ANKRD17: variants seen among roughly 807,000 people sequenced by gnomAD.
The protein encoded by ANKRD17 is ankyrin repeat domain 17.
In ANKRD17, 19 loss-of-function variants were observed where a neutral mutation model predicts 229.7. The ratio of observed to expected loss-of-function variants is 0.08; its 90% CI spans 0.06 to 0.12. The LOEUF (loss-of-function observed/expected upper bound fraction) is 0.12. Ranked by LOEUF, ANKRD17 falls within the 10% of genes least tolerant of loss-of-function variation. The pLI is 1.00. For synonymous variants in ANKRD17, 1,112 were observed against 1,146.1 expected (o/e 0.97, Z 0.60); for missense variants, 2,176 against 3,176.8 (o/e 0.68, Z 7.57).
Position 73,200,012 on chromosome 4 carries a change from C to T in ANKRD17, c.394-22479G>A, listed in dbSNP as rs907351556. 5.3e-5 allele frequency among the ~76,000 whole-genome samples: 8 copies of T among 152,096 alleles called. 1 individual carries two copies. Among genetic ancestry groups the T allele is most frequent in the Admixed American group, 2.6e-4 (4 of 15,264 alleles). ...AAAGGAAACACAGAAGAGCTTTTGT[C>T]TCTATAAACACTGATTATGGAACAA... is the stretch of plus-strand genomic sequence containing the variant. On this transcript the variant is annotated intron_variant, in intron 1 of 33. Coordinates refer to ENST00000358602, the MANE Select transcript of ANKRD17 (RefSeq NM_032217.5).
chr4:73,232,943 G>T (rs1287051972), intron 1 of ANKRD17, among the ~76,000 whole-genome samples: 1 of 151,986 alleles, frequency 6.6e-6, no homozygotes, highest in Non-Finnish European at 1.5e-5. Flanking sequence ...GGCTGGTCTC[G>T]AACTCCTAAC....
rs1723392300 is a variant in ANKRD17, at chr4:73,097,137, T to A, written c.5157A>T (p.Gly1719=). Residue 1719 remains glycine, a synonymous_variant, in exon 27 of 34, where the codon GGA becomes GGT. Coordinates refer to ENST00000358602, the MANE Select transcript of ANKRD17 (RefSeq NM_032217.5). ...CTCACCTTCTTACAACTTCTTTCCA[T>A]CCTTCTTCCCTCTTTTGCCCACGCT... is the stretch of plus-strand genomic sequence containing the variant. The part of the protein sequence containing the change: ...SPKRGQKREE[G]WKEVVRRSKK... The A allele has an allele frequency of 6.2e-7, 1 of 1,610,128 alleles. No individual in the cohort carries two copies.
At position 73,137,536 on chromosome 4, in the gene ANKRD17, G is replaced by C. The variant is rs377000069; in HGVS notation, c.3085+1995C>G. On this transcript the variant is annotated intron_variant, in intron 15 of 33. Coordinates refer to ENST00000358602, the MANE Select transcript of ANKRD17 (RefSeq NM_032217.5). ...AAGTGGAAATCATCATTAAGCAACT[G>C]AAAGGATACATCCTACCACAGAAAT... is the stretch of plus-strand genomic sequence containing the variant. Among the ~76,000 whole-genome samples the C allele has an allele frequency of 3.3e-5, 5 of 152,284 alleles. No individual in the cohort carries two copies. In the South Asian group the frequency reaches 1.0e-3, roughly 32 times the overall value.
intron 1 of ANKRD17, among the ~76,000 whole-genome samples, chr4:73,193,888 C>T (rs974972631): frequency 5.9e-5 from 9 of 152,036 alleles, no homozygotes; most frequent in Non-Finnish European, 8.8e-5. Flanking sequence ...CCCATGATTG[C>T]GACACTGCAC....
chr4:73,239,980 C>A (rs1352446688), intron 1 of ANKRD17, among the ~76,000 whole-genome samples: 2 of 152,002 alleles, frequency 1.3e-5, no homozygotes, highest in Non-Finnish European at 2.9e-5. Flanking sequence ...TTGACATTTT[C>A]TGAACAGCAA....
chr4:73,202,967 A>C (rs1312127668), intron 1 of ANKRD17, among the ~76,000 whole-genome samples: 1 of 152,240 alleles, frequency 6.6e-6, no homozygotes, highest in Non-Finnish European at 1.5e-5. Flanking sequence ...TGAAAGATCA[A>C]ATAGAATTTC....
chr4:73,196,004 C>CTTTT (rs752128086), intron 1 of ANKRD17, among the ~76,000 whole-genome samples: 14 of 124,574 alleles, frequency 1.1e-4, no homozygotes, highest in Non-Finnish European at 1.7e-4. Flanking sequence ...AACCATGTTT[C>CTTTT]TTTTTTTTTT....
At position 73,121,112 on chromosome 4, in the gene ANKRD17, G is replaced by A. The variant is rs762776530; in HGVS notation, c.3636-18C>T. The A allele has an allele frequency of 7.5e-6, 12 of 1,593,292 alleles. No homozygotes were observed. The highest frequency in any genetic ancestry group is 2.2e-5 in the East Asian group (1 of 44,714). ...TACCAGTTCTAGGGGTGCAGGTATG[G>A]GGAAAACAAATGGAAAAATATATAT... is the stretch of plus-strand genomic sequence containing the variant. On this transcript the variant is annotated intron_variant, in intron 19 of 33. Coordinates refer to ENST00000358602, the MANE Select transcript of ANKRD17 (RefSeq NM_032217.5).
intron 1 of ANKRD17, among the ~76,000 whole-genome samples, chr4:73,240,889 A>G (rs1228824217): frequency 6.7e-6 from 1 of 149,282 alleles, no homozygotes; most frequent in African/African-American, 2.5e-5. Context: ...GCTCACTGCA[A>G]CCTCCGCCTC....
At chr4:73,172,379 TTTC>T (rs1734157043) in intron 2 of ANKRD17, among the ~76,000 whole-genome samples, 1 of 152,154 alleles carries the variant, frequency 6.6e-6, no homozygotes, top group South Asian at 2.1e-4. Context: ...AGCTGAGAGA[TTTC>T]ATCATCGCCA....
intron 1 of ANKRD17, among the ~76,000 whole-genome samples, chr4:73,179,388 TTATA>T (rs1735141882): frequency 6.8e-6 from 1 of 146,866 alleles, no homozygotes; most frequent in African/African-American, 2.5e-5. Context: ...TTTTTTAAAA[TTATA>T]TATATTTTAA....
chr4:73,093,130 T>G (rs533850739), intron 28 of ANKRD17, among the ~76,000 whole-genome samples: 1 of 152,182 alleles, frequency 6.6e-6, no homozygotes, highest in Admixed American at 6.5e-5. Context: ...ATGTAACTAT[T>G]AGCTCTCCTA....
chr4:73,202,069 T>A (rs940464988), intron 1 of ANKRD17, among the ~76,000 whole-genome samples: 1 of 152,114 alleles, frequency 6.6e-6, no homozygotes, highest in African/African-American at 2.4e-5. Flanking sequence ...CACTGCAAAT[T>A]TGCCACAGCA....
At chr4:73,164,625 T>C (rs938931060) in intron 2 of ANKRD17, among the ~76,000 whole-genome samples, 1 of 152,084 alleles carries the variant, frequency 6.6e-6, no homozygotes, top group Non-Finnish European at 1.5e-5. Flanking sequence ...ACCCCGTCTC[T>C]ACTAAAAATA....
chr4:73,197,035 G>A (rs1737980142), intron 1 of ANKRD17, among the ~76,000 whole-genome samples: 6 of 152,086 alleles, frequency 3.9e-5, no homozygotes, highest in Admixed American at 3.9e-4. Context: ...ATGATAGTCT[G>A]CTAGTCATTC....
At chr4:73,077,334 A>G in intron 32 of ANKRD17, 21 bp downstream of exon 32, 1 of 1,577,804 alleles carries the variant, frequency 6.3e-7, no homozygotes, top group African/African-American at 1.4e-5. Context: ...TTAAATAACT[A>G]GTACAAAATC....
chr4:73,091,411 A>G lies in ANKRD17; in HGVS notation c.6217T>C (p.Ser2073Pro), dbSNP rs1722784913. 6.2e-7 allele frequency: 1 copy of G among 1,613,996 alleles called. No individual in the cohort carries two copies. The highest frequency in any genetic ancestry group is 1.3e-5 in the African/African-American group (1 of 74,890). ...CGSASPNKVA[S>P]SSEQEAGSPP... ...CTACCTGCTTCCTGTTCGGAGGAAG[A>G]TGCCACTTTATTTGGAGATGCTGAT... The change falls in exon 29 of 34, where the codon TCT becomes CCT. Residue 2073 changes from serine to proline, a missense_variant. Physicochemically the swap from Ser to Pro is moderately conservative, Grantham distance 74 (BLOSUM62 -1). Transcript: ENST00000358602.
rs767313872 is a variant in ANKRD17 at position 73,161,354 on chromosome 4, A to G, written c.548-6T>C. 9 of 1,613,760 alleles carry G rather than the reference A, an allele frequency of 5.6e-6. No individual in the cohort carries two copies. Among genetic ancestry groups the G allele is most frequent in the South Asian group, 5.5e-5 (5 of 91,036 alleles). ...CGTGGACAATTTTCCTATTCCTATT[A>G]TATTATTTTCACACCAATATGGACA... On this transcript the variant is annotated splice_region_variant and splice_polypyrimidine_tract_variant and intron_variant, in intron 2 of 33. Coordinates refer to ENST00000358602, the MANE Select transcript of ANKRD17 (RefSeq NM_032217.5).
In ANKRD17 at chr4:73,098,121, G is replaced by A. The variant is rs200356945; in HGVS notation, c.4973C>T (p.Thr1658Ile). The change falls in exon 26 of 34, where the codon ACA becomes ATA. Residue 1658 changes from threonine (T) to isoleucine (I), a missense_variant. Thr to Ile is a moderately conservative substitution (Grantham distance 89). Transcript: ENST00000358602. ...SSKKQPSVLV[T>I]FPKEERKSVS... is the part of the protein sequence containing the mutation. Reference sequence around the variant, plus strand: ...AGATTTTCTCTCTTCCTTTGGAAATGTAACAAGAACTGATGGCTGCTTTTT... The same window carrying A: ...AGATTTTCTCTCTTCCTTTGGAAATATAACAAGAACTGATGGCTGCTTTTT... The A allele has an allele frequency of 1.7e-5, 28 of 1,607,848 alleles. No homozygotes were observed. The East Asian group carries it at 6.3e-4, about 36-fold the overall frequency.
Sources: gnomAD v4.1 joint callset for allele counts (sites outside exome capture counted in the v4.1 genomes callset) on GRCh38, gnomAD v4.1.1 for gene constraint, MANE v1.5 for transcripts, NCBI Gene and HGNC (gene_info 2026-07-23, HGNC 2026-07-21) for gene names.